NUP133: variants seen among roughly 807,000 people sequenced by gnomAD.
NUP133 encodes nucleoporin 133.
A neutral mutation model predicts 146.2 loss-of-function variants in NUP133; 66 were observed. That is an observed-to-expected ratio of 0.45 (90% CI 0.37 to 0.55). NUP133 has a LOEUF of 0.55. NUP133 is among the 20% of genes least tolerant of loss of function. NUP133 has a pLI of 0.00. For missense variants in NUP133, 1,277 were observed against 1,374.8 expected (o/e 0.93, Z 1.12); for synonymous variants, 521 against 498.8 (o/e 1.04, Z -0.59).
In NUP133 at chr1:229,500,872, C is replaced by T; in HGVS notation, c.406-9G>A. On this transcript the variant is annotated splice_polypyrimidine_tract_variant and intron_variant, in intron 3 of 25. Coordinates refer to ENST00000261396, the MANE Select transcript of NUP133 (RefSeq NM_018230.3). ...TCTTTGCAAACGGATAACTGTAGAA[C>T]AAACCCAAACAGAAAATCTTTCACA... 6.4e-7 allele frequency: 1 copy of T among 1,562,678 alleles called. No individual in the cohort carries two copies. The highest frequency in any genetic ancestry group is 8.8e-7 in the Non-Finnish European group (1 of 1,138,836).
chr1:229,466,578 T>C (rs1340449696), intron 16 of NUP133, 56 bp downstream of exon 16: 2 of 1,595,634 alleles, frequency 1.3e-6, no homozygotes, highest in African/African-American at 2.7e-5. Flanking sequence ...AACCAGTTCC[T>C]TGTCTATCCA....
At chr1:229,480,852 ATT>A (rs5781543) in intron 12 of NUP133, among the ~76,000 whole-genome samples, 4,194 of 125,786 alleles carry the variant, frequency 0.033, 187 homozygotes, top group African/African-American at 0.11. Context: ...ACACCCAGCT[ATT>A]TTTTTTTTTT....
chr1:229,473,207 G>A (rs1290451116), intron 14 of NUP133, among the ~76,000 whole-genome samples: 4 of 151,748 alleles, frequency 2.6e-5, no homozygotes, highest in African/African-American at 4.8e-5. Flanking sequence ...AGCTGCGATC[G>A]TGCCACTGCA....
At chr1:229,452,436 T>C (rs767471414) in intron 22 of NUP133, 89 bp downstream of exon 22, 3 of 905,566 alleles carry the variant, frequency 3.3e-6, no homozygotes, top group Non-Finnish European at 3.2e-6. Context: ...GAACAATAAC[T>C]CCTCTTAGGA....
chr1:229,443,202 A>AT lies in NUP133; in HGVS notation c.3335-1163dup, dbSNP rs771465943. On this transcript the variant is annotated intron_variant, in intron 25 of 25. Transcript: ENST00000261396. ...AGGCATGCACCACGAAGCCTAGCTA[A>AT]TTTTTTTTTTTTTTTCTGTAGAGGT... is the stretch of plus-strand genomic sequence containing the variant. 4.3e-3 allele frequency among the ~76,000 whole-genome samples: 590 copies of AT among 136,802 alleles called. 2 individuals are homozygous for AT. Among genetic ancestry groups the AT allele is most frequent in the East Asian group, 0.015 (69 of 4,646 alleles). 89.7% of individuals were successfully genotyped at this position (136,802 alleles called of 152,430 possible). A position where few individuals can be genotyped will look rare whatever the true frequency, so the allele number is the denominator to read the frequency against.
chr1:229,441,255 T>C lies in NUP133; in HGVS notation c.*649A>G, dbSNP rs1232948118. 1 of 355,468 alleles carries C rather than the reference T, an allele frequency of 2.8e-6. No homozygotes were observed. 22.0% of individuals were successfully genotyped at this position (355,468 alleles called of 1,614,324 possible). A position where few individuals can be genotyped will look rare whatever the true frequency, so the allele number is the denominator to read the frequency against. ...AGAACTAAACATCAACAGTAATTTC[T>C]AGATAGGTTAGAAAACCACATAAAC... On this transcript the variant is annotated 3_prime_UTR_variant, in exon 26 of 26. Coordinates refer to ENST00000261396, the MANE Select transcript of NUP133 (RefSeq NM_018230.3).
intron 24 of NUP133, among the ~76,000 whole-genome samples, chr1:229,447,661 G>C (rs1041874677): frequency 1.3e-5 from 2 of 151,794 alleles, no homozygotes; most frequent in Admixed American, 1.3e-4. Context: ...TCTACATAAC[G>C]AAGCTTCCAT....
chr1:229,475,896 TC>T (rs1661063377), intron 13 of NUP133, among the ~76,000 whole-genome samples, 164 bp from the exon 14 acceptor site: 1 of 152,008 alleles, frequency 6.6e-6, no homozygotes, highest in African/African-American at 2.4e-5. Context: ...GATCACGAGG[TC>T]AAGAGATCGA....
intron 5 of NUP133, 22 bp downstream of exon 5, chr1:229,499,662 T>C (rs1440809560): frequency 1.3e-6 from 2 of 1,585,096 alleles, no homozygotes; most frequent in Non-Finnish European, 1.7e-6. Flanking sequence ...CCAATAAATA[T>C]AAAGGAATAT....
intron 21 of NUP133, among the ~76,000 whole-genome samples, chr1:229,457,247 G>T (rs1365462761): frequency 1.3e-5 from 2 of 152,082 alleles, no homozygotes; most frequent in Non-Finnish European, 2.9e-5. Context: ...ATCACCTCAA[G>T]CAAGAAAATA....
chr1:229,456,454 A>G (rs1435185494), intron 21 of NUP133, among the ~76,000 whole-genome samples: 8 of 152,192 alleles, frequency 5.3e-5, no homozygotes, highest in Non-Finnish European at 1.0e-4. Context: ...ACTGTGGAAT[A>G]TACCCTTTAC....
At chr1:229,464,500 T>A in intron 18 of NUP133, 124 bp downstream of exon 18, 1 of 1,131,794 alleles carries the variant, frequency 8.8e-7, no homozygotes, top group Non-Finnish European at 1.3e-6. Flanking sequence ...AAGCTGTGCA[T>A]ATTTGCTTTA....
At chr1:229,447,247 T>C (rs1485250889) in intron 24 of NUP133, among the ~76,000 whole-genome samples, 2 of 152,236 alleles carry the variant, frequency 1.3e-5, no homozygotes, top group African/African-American at 4.8e-5. Flanking sequence ...TTGCTATTCT[T>C]AACTATTAAA....
At chr1:229,490,843 T>C (rs551186768) in intron 8 of NUP133, among the ~76,000 whole-genome samples, 6 of 152,028 alleles carry the variant, frequency 3.9e-5, no homozygotes, top group African/African-American at 1.4e-4. Context: ...TCCCAGCTAC[T>C]TGGGAGGCTG....
chr1:229,450,472 CT>C, intron 23 of NUP133, 52 bp downstream of exon 23: 1 of 919,694 alleles, frequency 1.1e-6, no homozygotes, highest in Non-Finnish European at 1.7e-6. Flanking sequence ...GGATCTCCCT[CT>C]TTTTATATAT....
At chr1:229,503,677 T>G (rs1013076185) in intron 2 of NUP133, among the ~76,000 whole-genome samples, 2 of 152,228 alleles carry the variant, frequency 1.3e-5, no homozygotes, top group Non-Finnish European at 1.5e-5. Context: ...GTGAGGCTTT[T>G]TGCTCAACTG....
chr1:229,489,753 C>G (rs1322070819), intron 9 of NUP133, among the ~76,000 whole-genome samples: 2 of 152,194 alleles, frequency 1.3e-5, no homozygotes, highest in East Asian at 3.8e-4. Context: ...TGCCTACAGT[C>G]CCAGCCACTC....
At chr1:229,502,328 G>A (rs1257122014) in intron 2 of NUP133, among the ~76,000 whole-genome samples, 7 of 151,982 alleles carry the variant, frequency 4.6e-5, no homozygotes, top group Non-Finnish European at 1.0e-4. Context: ...GGGAGGCCGA[G>A]GTGGGAGGAT....
intron 14 of NUP133, among the ~76,000 whole-genome samples, chr1:229,471,354 C>T (rs186273761): frequency 2.0e-5 from 3 of 152,216 alleles, no homozygotes; most frequent in East Asian, 3.9e-4. Flanking sequence ...TGGCCACAAG[C>T]GAGCCTACTG....
Sources: allele counts gnomAD v4.1 joint callset (sites outside exome capture counted in the v4.1 genomes callset), GRCh38; gene constraint gnomAD v4.1.1; transcripts MANE v1.5; gene names NCBI Gene and HGNC (gene_info 2026-07-23, HGNC 2026-07-21).